ZNF280C: variants seen among roughly 807,000 people sequenced by gnomAD.
ZNF280C encodes the protein zinc finger protein 280C.
Under a neutral mutation model 53.6 loss-of-function variants are expected in ZNF280C, and 14 were observed. The observed-to-expected ratio is 0.26, with a 90% CI of 0.17 to 0.41. ZNF280C has a LOEUF of 0.41. Ranked by LOEUF, ZNF280C falls within the 10% of genes least tolerant of loss-of-function variation. The pLI, the probability that ZNF280C is intolerant of heterozygous loss-of-function variation, is 1.00. For missense variants in ZNF280C, 416 were observed against 547.1 expected, an observed-to-expected ratio of 0.76 and a Z score of 2.39; for synonymous variants, 203 against 181.1, an observed-to-expected ratio of 1.12 and a Z score of -0.97.
Position 130,209,728 on chromosome X carries a change from G to A in ZNF280C, c.1980-13C>T, listed in dbSNP as rs758354842. The A allele has an allele frequency of 5.1e-6, 6 of 1,181,542 alleles. No individual in the cohort carries two copies. In the South Asian group the frequency reaches 9.4e-5, roughly 18 times the overall value. ...GTTGCTATGAGAGCTGGAGAAACAC[G>A]AGACAAACAAGATTTTATTAATTTT... On this transcript the variant is annotated splice_polypyrimidine_tract_variant and intron_variant, in intron 15 of 18. Transcript: ENST00000370978.
rs116403021 is a variant in ZNF280C, at chrX:130,235,025, C to T, written c.771+1189G>A. 7.1e-3 allele frequency among the ~76,000 whole-genome samples: 787 copies of T among 110,743 alleles called. 11 individuals are homozygous for T. The highest frequency in any genetic ancestry group is 0.024 in the African/African-American group (745 of 30,433). On this transcript the variant is annotated intron_variant, in intron 8 of 18. Transcript: ENST00000370978. ...TAATGTGACATGCATTAAGTCACCA[C>T]GGGCAAAAATAAGGTTTTCACAGGG...
At chrX:130,230,445 G>C in intron 9 of ZNF280C, 65 bp downstream of exon 9, 1 of 732,661 alleles carries the variant, frequency 1.4e-6, no homozygotes, top group Admixed American at 3.3e-5. Flanking sequence ...GCAATGTAAA[G>C]ATACTATATT....
At chrX:130,260,343 C>T in intron 2 of ZNF280C, 76 bp downstream of exon 2, 1 of 833,717 alleles carries the variant, frequency 1.2e-6, no homozygotes, top group Non-Finnish European at 1.7e-6. Context: ...CCACTTCTGT[C>T]TCTAATCTTT....
chrX:130,266,119 A>G (rs1002813862), intron 1 of ZNF280C, among the ~76,000 whole-genome samples: 1 of 112,843 alleles, frequency 8.9e-6, no homozygotes, highest in African/African-American at 3.2e-5. Context: ...ACAAGTTAAT[A>G]AAAATACTTT....
chrX:130,233,596 T>C (rs2032300734), intron 8 of ZNF280C, among the ~76,000 whole-genome samples: 1 of 90,618 alleles, frequency 1.1e-5, no homozygotes, highest in Non-Finnish European at 2.1e-5. Context: ...CACTCTAGCC[T>C]GGGCAACAAG....
intron 2 of ZNF280C, among the ~76,000 whole-genome samples, chrX:130,257,361 C>T (rs1336957300): frequency 2.7e-5 from 3 of 111,069 alleles, no homozygotes; most frequent in Non-Finnish European, 5.7e-5. Flanking sequence ...CATGCTCACC[C>T]GTGAACAGTA....
At chrX:130,217,115 T>C (rs773025433) in intron 13 of ZNF280C, among the ~76,000 whole-genome samples, 3 of 112,399 alleles carry the variant, frequency 2.7e-5, no homozygotes, top group Non-Finnish European at 3.8e-5. Context: ...TATATACCCA[T>C]GAGAAATGAA....
chrX:130,250,154 T>C (rs1411443653), intron 2 of ZNF280C, among the ~76,000 whole-genome samples: 2 of 111,817 alleles, frequency 1.8e-5, no homozygotes, highest in East Asian at 5.6e-4. Context: ...TATGGGATTA[T>C]GTAAAGAGAC....
intron 8 of ZNF280C, among the ~76,000 whole-genome samples, chrX:130,232,155 C>CTCCAGACT (rs1407080143): frequency 9.4e-6 from 1 of 106,018 alleles, no homozygotes; most frequent in African/African-American, 3.5e-5. Context: ...ACCTGCCATT[C>CTCCAGACT]TCCAGACTTA....
intron 1 of ZNF280C, among the ~76,000 whole-genome samples, chrX:130,260,709 C>T (rs2032622178): frequency 8.9e-6 from 1 of 111,866 alleles, no homozygotes; most frequent in Admixed American, 9.5e-5. Context: ...TTTTCTCCTA[C>T]AAAAGCCCAC....
chrX:130,222,532 C>T (rs1036088381), intron 12 of ZNF280C, among the ~76,000 whole-genome samples: 4 of 111,984 alleles, frequency 3.6e-5, no homozygotes, highest in African/African-American at 9.8e-5. Flanking sequence ...TCTGCCATTT[C>T]ATTCAATGAG....
chrX:130,261,685 T>G (rs751986341), intron 1 of ZNF280C, among the ~76,000 whole-genome samples: 1 of 112,470 alleles, frequency 8.9e-6, no homozygotes, highest in Non-Finnish European at 1.9e-5. Context: ...ATTAAGGTAA[T>G]ACATATGCCA....
At chrX:130,241,185 CTCCT>C (rs1453804501) in intron 5 of ZNF280C, among the ~76,000 whole-genome samples, 1 of 111,370 alleles carries the variant, frequency 9.0e-6, no homozygotes, top group Admixed American at 9.7e-5. Flanking sequence ...TAATAATACT[CTCCT>C]TCCCTGCCTG....
intron 1 of ZNF280C, among the ~76,000 whole-genome samples, chrX:130,266,179 A>T (rs2032685919): frequency 8.9e-6 from 1 of 112,568 alleles, no homozygotes; most frequent in African/African-American, 3.2e-5. Flanking sequence ...AGTAATATTG[A>T]TTTACATTTT....
chrX:130,209,277 T>C (rs1429405502), intron 16 of ZNF280C, among the ~76,000 whole-genome samples: 1 of 112,304 alleles, frequency 8.9e-6, no homozygotes, highest in East Asian at 2.8e-4. Flanking sequence ...ATGGTAATTA[T>C]CAATGCCTTT....
At chrX:130,207,697 C>T (rs1050690030) in intron 16 of ZNF280C, among the ~76,000 whole-genome samples, 3 of 111,861 alleles carry the variant, frequency 2.7e-5, no homozygotes, top group Non-Finnish European at 5.6e-5. Flanking sequence ...GCTATATGAA[C>T]TTTGTGCTTC....
At chrX:130,245,816 T>C (rs913703695) in intron 3 of ZNF280C, among the ~76,000 whole-genome samples, 2 of 110,293 alleles carry the variant, frequency 1.8e-5, no homozygotes, top group Non-Finnish European at 3.8e-5. Flanking sequence ...GATATAGTCT[T>C]GCTCTGTTGC....
At chrX:130,220,054 T>G (rs1002422250) in intron 13 of ZNF280C, among the ~76,000 whole-genome samples, 3 of 111,351 alleles carry the variant, frequency 2.7e-5, no homozygotes, top group Non-Finnish European at 3.8e-5. Flanking sequence ...ACAGCATATT[T>G]AAAACTCACT....
In ZNF280C at chrX:130,266,703, G is replaced by A. The variant is rs1442142776; in HGVS notation, c.-17+2059C>T. 4.5e-5 allele frequency among the ~76,000 whole-genome samples: 5 copies of A among 111,340 alleles called. No individual in the cohort carries two copies. In the East Asian group the frequency reaches 1.4e-3, roughly 31 times the overall value. ...TGCAGCAAATGAATAAAGTCTAGACGAATACTCTACTTTCAGGAGTCATTT... is the reference window on the plus strand; with the variant it reads ...TGCAGCAAATGAATAAAGTCTAGACAAATACTCTACTTTCAGGAGTCATTT... On this transcript the variant is annotated intron_variant, in intron 1 of 18. Transcript: ENST00000370978.
Sources: allele counts gnomAD v4.1 joint callset (sites outside exome capture counted in the v4.1 genomes callset), GRCh38; gene constraint gnomAD v4.1.1; transcripts MANE v1.5; gene names NCBI Gene and HGNC (gene_info 2026-07-23, HGNC 2026-07-21).